EYA2: variants seen among roughly 807,000 people sequenced by gnomAD.
EYA2 encodes the protein protein phosphatase EYA2.
A neutral mutation model predicts 69.2 loss-of-function variants in EYA2; 31 were observed. That is an observed-to-expected ratio of 0.45 (90% CI 0.34 to 0.60). The LOEUF is 0.60. Ranked by LOEUF, EYA2 falls within the 20% of genes least tolerant of loss-of-function variation. EYA2 has a pLI of 0.02. For synonymous variants in EYA2, 257 were observed against 279.4 expected (o/e 0.92, Z 0.80); for missense variants, 622 against 701.2 (o/e 0.89, Z 1.28).
chr20:46,900,577 AAC>A (rs1293557023), intron 1 of EYA2, among the ~76,000 whole-genome samples: 7 of 152,222 alleles, frequency 4.6e-5, no homozygotes, highest in Admixed American at 1.3e-4. Context: ...AAATGAGAAA[AAC>A]ACAGAAAAAT....
intron 4 of EYA2, among the ~76,000 whole-genome samples, chr20:47,009,575 G>C (rs1306352039): frequency 6.6e-6 from 1 of 152,096 alleles, no homozygotes; most frequent in Non-Finnish European, 1.5e-5. Flanking sequence ...AAAGATTCCT[G>C]TGCCCCCAAG....
chr20:47,010,075 C>T (rs2146359832), intron 4 of EYA2, among the ~76,000 whole-genome samples: 1 of 152,290 alleles, frequency 6.6e-6, no homozygotes, highest in East Asian at 1.9e-4. Context: ...TTGTTTGTTT[C>T]TCATTACATA....
At chr20:46,981,800 A>T (rs1011593103) in intron 1 of EYA2, among the ~76,000 whole-genome samples, 1 of 152,088 alleles carries the variant, frequency 6.6e-6, no homozygotes, top group Non-Finnish European at 1.5e-5. Flanking sequence ...ATGTCTTTAT[A>T]TTTAAAAGGG....
At chr20:47,014,731 TTAAA>T (rs1983306849) in intron 4 of EYA2, among the ~76,000 whole-genome samples, 1 of 151,934 alleles carries the variant, frequency 6.6e-6, no homozygotes. Flanking sequence ...CATCTATATG[TTAAA>T]TATATTTTCT....
intron 5 of EYA2, among the ~76,000 whole-genome samples, chr20:47,048,234 G>C (rs1473143387): frequency 6.6e-6 from 1 of 152,156 alleles, no homozygotes; most frequent in African/African-American, 2.4e-5. Flanking sequence ...TTTTTCCCCA[G>C]TATTAAGGAG....
rs373252532 is a variant in EYA2 at position 46,915,409 on chromosome 20, C to A, written c.-11+20422C>A. Among the ~76,000 whole-genome samples, 92 of 152,268 alleles carry A rather than the reference C, an allele frequency of 6.0e-4. 1 individual carries two copies. The highest frequency in any genetic ancestry group is 6.8e-3 in the Middle Eastern group (2 of 294). ...TTCCACTTAGTGCTTTTCAGAGAGG[C>A]CTGGGTGGCAGAACGTGGATGTTAT... On this transcript the variant is annotated intron_variant, in intron 1 of 15. Transcript: ENST00000327619.
intron 5 of EYA2, among the ~76,000 whole-genome samples, chr20:47,019,691 A>C (rs1983627650): frequency 6.6e-6 from 1 of 152,044 alleles, no homozygotes; most frequent in South Asian, 2.1e-4. Context: ...TAAGAATTTA[A>C]ACCATAATTT....
At chr20:47,070,240 G>A (rs986119031) in intron 5 of EYA2, among the ~76,000 whole-genome samples, 1 of 152,182 alleles carries the variant, frequency 6.6e-6, no homozygotes, top group East Asian at 1.9e-4. Context: ...ATGGGAAAAA[G>A]ATTTGAGTAG....
intron 1 of EYA2, among the ~76,000 whole-genome samples, chr20:46,974,441 G>C (rs370174909): frequency 2.6e-5 from 4 of 152,176 alleles, no homozygotes; most frequent in East Asian, 3.9e-4. Context: ...CATTGCAATG[G>C]GCTATGGTTG....
intron 9 of EYA2, among the ~76,000 whole-genome samples, chr20:47,107,837 A>C (rs1349330607): frequency 6.6e-6 from 1 of 152,186 alleles, no homozygotes; most frequent in Admixed American, 6.6e-5. Flanking sequence ...ATAAGAAGAA[A>C]TAATAATCCA....
intron 1 of EYA2, among the ~76,000 whole-genome samples, chr20:46,923,616 G>A (rs940135092): frequency 4.6e-5 from 7 of 152,178 alleles, no homozygotes; most frequent in African/African-American, 1.7e-4. Flanking sequence ...AATACCATTG[G>A]AATATTTACG....
chr20:47,101,033 G>A (rs1031990923), intron 9 of EYA2, among the ~76,000 whole-genome samples: 1 of 152,134 alleles, frequency 6.6e-6, no homozygotes, highest in African/African-American at 2.4e-5. Context: ...GGAAAAGGGG[G>A]ACTTGCCCCT....
At chr20:47,103,240 C>T (rs543976027) in intron 9 of EYA2, among the ~76,000 whole-genome samples, 2 of 152,280 alleles carry the variant, frequency 1.3e-5, no homozygotes, top group South Asian at 4.1e-4. Flanking sequence ...AAACCCTATA[C>T]TCACTAGCAG....
chr20:47,072,043 C>T, intron 5 of EYA2, 142 bp from the exon 6 acceptor site: 1 of 747,802 alleles, frequency 1.3e-6, no homozygotes, highest in Non-Finnish European at 2.3e-6. Context: ...TGGTGTGAGG[C>T]ATTACCACTA....
At chr20:47,148,014 G>C (rs551547155) in intron 10 of EYA2, among the ~76,000 whole-genome samples, 1 of 132,844 alleles carries the variant, frequency 7.5e-6, no homozygotes, top group Non-Finnish European at 1.6e-5. Flanking sequence ...AGCAGAGATC[G>C]CCCCACTGTA....
chr20:46,912,438 T>C (rs976456362), intron 1 of EYA2, among the ~76,000 whole-genome samples: 2 of 152,188 alleles, frequency 1.3e-5, no homozygotes, highest in Non-Finnish European at 2.9e-5. Context: ...ACAGCTGCCA[T>C]TCATCCATTC....
chr20:47,164,564 G>A (rs1372989241), intron 10 of EYA2, among the ~76,000 whole-genome samples: 1 of 152,196 alleles, frequency 6.6e-6, no homozygotes, highest in Non-Finnish European at 1.5e-5. Flanking sequence ...TGTAAAGTCA[G>A]CGGTTGCCGT....
In EYA2 at chr20:46,971,854, T is replaced by C. The variant is rs546069102; in HGVS notation, c.-10-18147T>C. 5.9e-5 allele frequency among the ~76,000 whole-genome samples: 9 copies of C among 152,364 alleles called. No homozygotes were observed. In the South Asian group the frequency reaches 1.9e-3, roughly 32 times the overall value. On this transcript the variant is annotated intron_variant, in intron 1 of 15. Coordinates refer to ENST00000327619, the MANE Select transcript of EYA2 (RefSeq NM_005244.5). ...AGGCTGTAGTGTCATTTTTCAATAT[T>C]CATTTCGCTGGTACTCATTGCCTGA...
chr20:46,920,353 G>A (rs111803333), intron 1 of EYA2, among the ~76,000 whole-genome samples: 148 of 152,146 alleles, frequency 9.7e-4, no homozygotes, highest in Non-Finnish European at 1.9e-3. Flanking sequence ...AGGTGTGCCC[G>A]TATACTGTTC....
Sources: allele counts gnomAD v4.1 joint callset (sites outside exome capture counted in the v4.1 genomes callset), GRCh38; gene constraint gnomAD v4.1.1; transcripts MANE v1.5; gene names NCBI Gene and HGNC (gene_info 2026-07-23, HGNC 2026-07-21).